CA12: variants seen among roughly 807,000 people sequenced by gnomAD.
CA12 encodes carbonate dehydratase XII.
In CA12, 36 loss-of-function variants were observed where a neutral mutation model predicts 46.8. That is an observed-to-expected ratio of 0.77 (90% CI 0.59 to 1.02). CA12 has a LOEUF of 1.02. CA12 is among the 50% of genes least tolerant of loss of function. The probability of loss-of-function intolerance (pLI) is 0.00; values close to 1 mark genes in which losing one functional copy is unlikely to be tolerated. For missense variants in CA12, 436 were observed against 451.4 expected (o/e 0.97, Z 0.31); for synonymous variants, 202 against 187.0 (o/e 1.08, Z -0.65).
intron 8 of CA12, among the ~76,000 whole-genome samples, 179 bp downstream of exon 8, chr15:63,338,640 A>C (rs987320322): frequency 6.6e-6 from 1 of 152,140 alleles, no homozygotes; most frequent in Non-Finnish European, 1.5e-5. Context: ...AGACTCACTG[A>C]AGGGGGGACC....
chr15:63,334,870 GTC>G (rs1179283487), intron 8 of CA12, among the ~76,000 whole-genome samples: 2 of 152,166 alleles, frequency 1.3e-5, no homozygotes, highest in Admixed American at 6.5e-5. Context: ...GGGGAACAAG[GTC>G]TCTCTTGGGT....
intron 8 of CA12, among the ~76,000 whole-genome samples, chr15:63,336,259 T>C (rs1460075908): frequency 2.0e-5 from 3 of 152,304 alleles, no homozygotes; most frequent in East Asian, 3.9e-4. Flanking sequence ...ACTGAAGCGC[T>C]TGGCTAAAAA....
At chr15:63,356,286 G>A (rs1395670709) in intron 2 of CA12, among the ~76,000 whole-genome samples, 7 of 152,126 alleles carry the variant, frequency 4.6e-5, no homozygotes, top group Admixed American at 1.3e-4. Context: ...CCAGCTACTC[G>A]GGAGGCTGAG....
At position 63,326,322 on chromosome 15, in the gene CA12, T is replaced by C; in HGVS notation, c.1028A>G (p.Lys343Arg). Reference protein sequence around the residue: ...KKGDNKGVIYKPATKMETEAH... With the variant: ...KKGDNKGVIYRPATKMETEAH... ...CTCAGTCTCCATCTTGGTGGCTGGC[T>C]TGTAAATGACTCCCTTGTTATCACC... The change falls in exon 11 of 11, where the codon AAG becomes AGG. Residue 343 changes from lysine (K) to arginine (R), a missense_variant. Coordinates refer to ENST00000178638, the MANE Select transcript of CA12 (RefSeq NM_001218.5). The C allele has an allele frequency of 6.2e-7, 1 of 1,614,080 alleles. No homozygotes were observed. Among genetic ancestry groups the C allele is most frequent in the Non-Finnish European group, 8.5e-7 (1 of 1,179,944 alleles).
chr15:63,342,212 C>T (rs113312684), intron 4 of CA12, 115 bp from the exon 5 acceptor site: 10,357 of 729,426 alleles, frequency 0.014, 144 homozygotes, highest in African/African-American at 0.046. Context: ...CTCAGCCCCC[C>T]AGACTAGGTT....
In CA12 at chr15:63,345,504, G is replaced by A. The variant is rs200391599; in HGVS notation, c.402C>T (p.Thr134=). ...NPNDPHGSEH[T]VSGQHFAAEL... ...CGGCGGCGAAGTGCTGTCCGCTGAC[G>A]GTGTGCTCAGAGCCGTGCGGGTCAT... Residue 134 remains threonine, a synonymous_variant, in exon 4 of 11, where the codon ACC becomes ACT. Transcript: ENST00000178638. The surrounding 1 kb of genome is among the most constrained non-coding windows in gnomAD (Gnocchi z 4.3). 34 of 1,611,064 alleles carry A rather than the reference G, an allele frequency of 2.1e-5. 1 individual carries two copies. The East Asian group carries it at 6.2e-4, about 30-fold the overall frequency.
In CA12 at chr15:63,328,194, G is replaced by A. The variant is rs750269900; in HGVS notation, c.875-64C>T. 5.6e-5 allele frequency: 81 copies of A among 1,443,096 alleles called. No homozygotes were observed. Among genetic ancestry groups the A allele is most frequent in the Middle Eastern group, 1.7e-4 (1 of 5,766 alleles). 89.4% of individuals were successfully genotyped at this position (1,443,096 alleles called of 1,614,324 possible). A position where few individuals can be genotyped will look rare whatever the true frequency, so the allele number is the denominator to read the frequency against. On this transcript the variant is annotated intron_variant, in intron 8 of 10. Transcript: ENST00000178638. This position sits in a 1 kb window ranked among gnomAD's most constrained non-coding sequence, Gnocchi z 5.9. ...TCAAACCACACTGGATTTGAGCAGC[G>A]TGTTGAGAGACGCTCTACCATTTGT...
At chr15:63,358,974 T>C (rs1215008574) in intron 2 of CA12, among the ~76,000 whole-genome samples, 1 of 152,084 alleles carries the variant, frequency 6.6e-6, no homozygotes, top group Non-Finnish European at 1.5e-5. Flanking sequence ...GACACTGCTT[T>C]GTTGAATTGT....
rs758310900 is a variant in CA12, at chr15:63,341,372, C to T, written c.526-589G>A. 3.9e-5 allele frequency among the ~76,000 whole-genome samples: 6 copies of T among 152,200 alleles called. No homozygotes were observed. The highest frequency in any genetic ancestry group is 7.3e-5 in the Non-Finnish European group (5 of 68,040). ...CAAGCAAGCATTACAGCCTGAGCTC[C>T]GCCCCCTGTCAAATCAGCAGAGGCC... is the stretch of plus-strand genomic sequence containing the variant. On this transcript the variant is annotated intron_variant, in intron 5 of 10. Coordinates refer to ENST00000178638, the MANE Select transcript of CA12 (RefSeq NM_001218.5). This position sits in a 1 kb window ranked among gnomAD's most constrained non-coding sequence, Gnocchi z 5.2.
chr15:63,352,417 C>G (rs2039244458), intron 2 of CA12, among the ~76,000 whole-genome samples: 1 of 152,116 alleles, frequency 6.6e-6, no homozygotes, highest in South Asian at 2.1e-4. Flanking sequence ...CAAAAGAGAC[C>G]AGAGAAGGAA....
At chr15:63,379,996 C>T (rs972523272) in intron 1 of CA12, among the ~76,000 whole-genome samples, 2 of 152,236 alleles carry the variant, frequency 1.3e-5, no homozygotes, top group Non-Finnish European at 2.9e-5. Context: ...GAGCAGATCA[C>T]ACTTTGACCC....
intron 2 of CA12, 110 bp from the exon 3 acceptor site, chr15:63,346,819 C>T: frequency 1.6e-6 from 2 of 1,226,878 alleles, no homozygotes; most frequent in Non-Finnish European, 2.3e-6. Context: ...TTTTCTGAAT[C>T]CCCGGAGGTA....
In CA12 at chr15:63,376,569, T is replaced by TC. The variant is rs1022775160; in HGVS notation, c.86-892dup. 2.4e-4 allele frequency among the ~76,000 whole-genome samples: 27 copies of TC among 111,266 alleles called. No individual in the cohort carries two copies. The East Asian group carries it at 3.4e-3, about 14-fold the overall frequency. The allele number at this position is 111,266 out of a possible 152,430, so 73.0% of individuals were successfully genotyped here. A position where few individuals can be genotyped will look rare whatever the true frequency, so the allele number is the denominator to read the frequency against. ...ACTCTCTTTCTTTCCTTTCTTTCTT[T>TC]CTTTCTTTCTTTCTTTCTTTCTTTC... On this transcript the variant is annotated intron_variant, in intron 1 of 10. Coordinates refer to ENST00000178638, the MANE Select transcript of CA12 (RefSeq NM_001218.5).
Position 63,324,432 on chromosome 15 carries a change from CT to C in CA12, c.*1852del. 6.6e-6 allele frequency: 1 copy of C among 152,346 alleles called. No individual in the cohort carries two copies. The highest frequency in any genetic ancestry group is 1.5e-5 in the Non-Finnish European group (1 of 68,060). The allele number at this position is 152,346 out of a possible 1,614,324, so 9.4% of individuals were successfully genotyped here. A position where few individuals can be genotyped will look rare whatever the true frequency, so the allele number is the denominator to read the frequency against. ...TTTTGGACCAAGGCCAAGAGGCCCC[CT>C]AATTCATGTTGCTTCGTCATGAGGG... On this transcript the variant is annotated 3_prime_UTR_variant, in exon 11 of 11. Transcript: ENST00000178638.
At chr15:63,366,201 G>C (rs1166081877) in intron 2 of CA12, among the ~76,000 whole-genome samples, 1 of 150,048 alleles carries the variant, frequency 6.7e-6, no homozygotes, top group African/African-American at 2.5e-5. Context: ...ACGAGGTCCT[G>C]GCTCTTTGGC....
At chr15:63,351,751 G>T (rs183928842) in intron 2 of CA12, among the ~76,000 whole-genome samples, 12 of 152,144 alleles carry the variant, frequency 7.9e-5, no homozygotes, top group African/African-American at 2.9e-4. Context: ...GAACTTCTCG[G>T]CCAGCCTACT....
At chr15:63,351,849 A>C (rs1405351096) in intron 2 of CA12, among the ~76,000 whole-genome samples, 1 of 152,200 alleles carries the variant, frequency 6.6e-6, no homozygotes, top group African/African-American at 2.4e-5. Flanking sequence ...AACTTATTAC[A>C]GACTAGAGCT....
chr15:63,341,273 C>A lies in CA12; in HGVS notation c.526-490G>T, dbSNP rs923336158. ...GTACATATAGAGCAGGGGTGCCCAG[C>A]CCCCAGGCTGTGGACCAGTACCGGT... On this transcript the variant is annotated intron_variant, in intron 5 of 10. Coordinates refer to ENST00000178638, the MANE Select transcript of CA12 (RefSeq NM_001218.5). The surrounding 1 kb of genome is among the most constrained non-coding windows in gnomAD (Gnocchi z 5.2). Among the ~76,000 whole-genome samples, 1 of 152,196 alleles carries A rather than the reference C, an allele frequency of 6.6e-6. No homozygotes were observed. Among genetic ancestry groups the A allele is most frequent in the East Asian group, 1.9e-4 (1 of 5,192 alleles).
rs192928745 is a variant in CA12 at position 63,348,754 on chromosome 15, C to T, written c.107-2045G>A. Among the ~76,000 whole-genome samples the T allele has an allele frequency of 1.7e-3, 264 of 152,304 alleles. No homozygotes were observed. Among genetic ancestry groups the T allele is most frequent in the Middle Eastern group, 3.4e-3 (1 of 294 alleles). ...AGAGGGCATTTTACTGATAGCTAAA[C>T]GAGAGCCTCGTGAAGATAGGGACCC... On this transcript the variant is annotated intron_variant, in intron 2 of 10. Coordinates refer to ENST00000178638, the MANE Select transcript of CA12 (RefSeq NM_001218.5). The surrounding 1 kb of genome is among the most constrained non-coding windows in gnomAD (Gnocchi z 4.6).
Sources: gnomAD v4.1 joint callset for allele counts (sites outside exome capture counted in the v4.1 genomes callset) on GRCh38, gnomAD v4.1.1 for gene constraint, Gnocchi (gnomAD v3.1) non-coding constraint, MANE v1.5 for transcripts, NCBI Gene and HGNC (gene_info 2026-07-23, HGNC 2026-07-21) for gene names.